POC1B: variants seen among roughly 807,000 people sequenced by gnomAD.
POC1B encodes the protein POC1 centriolar protein B.
POC1B carries 44 observed loss-of-function variants against 60.6 expected under a neutral mutation model. The ratio of observed to expected loss-of-function variants is 0.73; its 90% CI spans 0.57 to 0.93. The LOEUF (loss-of-function observed/expected upper bound fraction) is 0.93, where lower values mean the gene tolerates loss of function less well. POC1B is among the 40% of genes least tolerant of loss of function. The pLI is 0.00. For synonymous variants in POC1B, 180 were observed against 198.9 expected (o/e 0.90, Z 0.80); for missense variants, 555 against 572.3 (o/e 0.97, Z 0.31).
chr12:89,411,951 G>A, the POC1B span, among the ~76,000 whole-genome samples: 7 of 152,266 alleles, frequency 4.6e-5, no homozygotes, highest in South Asian at 4.1e-4. Context: ...TATAGACCTC[G>A]GGTTCTATCC....
intron 2 of POC1B, among the ~76,000 whole-genome samples, chr12:89,518,166 A>G (rs1472813844): frequency 6.6e-6 from 1 of 151,604 alleles, no homozygotes. Context: ...TCTGCTGTGG[A>G]CAACTATACA....
chr12:89,500,391 T>C (rs1011552267), intron 2 of POC1B: 2 of 1,506,570 alleles, frequency 1.3e-6, no homozygotes, highest in Non-Finnish European at 1.8e-6. Context: ...CTGCAGTTTG[T>C]TGTAGAACCA....
In POC1B at chr12:89,471,707, T is replaced by C. The variant is rs1882904502; in HGVS notation, c.583A>G (p.Asn195Asp). The change falls in exon 6 of 12, where the codon AAC (asparagine) becomes GAC (aspartate). Residue 195 changes from asparagine to aspartate, a missense_variant. Asn to Asp is a conservative substitution (Grantham distance 23). Transcript: ENST00000313546. ...SVGFANFVDF[N>D]PSGTCIASAG... The stretch of plus-strand genomic sequence containing the variant: ...GAAGCTATGCATGTACCACTAGGGT[T>C]AAAGTCCACAAAATTTGCAAATCTA... 8.2e-6 allele frequency: 13 copies of C among 1,593,398 alleles called. No individual in the cohort carries two copies. The highest frequency in any genetic ancestry group is 1.4e-5 in the African/African-American group (1 of 73,262).
intron 4 of POC1B, among the ~76,000 whole-genome samples, chr12:89,487,042 C>G (rs58117070): frequency 0.022 from 3,363 of 152,190 alleles, 101 homozygotes; most frequent in African/African-American, 0.072. Flanking sequence ...CAGCTCTGCT[C>G]TCTTCTGAAT....
chr12:89,438,253 C>T (rs1881360826), intron 10 of POC1B, among the ~76,000 whole-genome samples: 1 of 151,794 alleles, frequency 6.6e-6, no homozygotes, highest in East Asian at 2.0e-4. Context: ...GTCAGAAGAT[C>T]GAGACCATCC....
intron 8 of POC1B, 117 bp downstream of exon 8, chr12:89,467,500 T>G: frequency 1.2e-6 from 1 of 809,912 alleles, no homozygotes; most frequent in Non-Finnish European, 1.9e-6. Context: ...AATTAAAATA[T>G]AAACTCATTG....
At chr12:89,495,259 T>C (rs1351833438) in intron 3 of POC1B, among the ~76,000 whole-genome samples, 2 of 152,252 alleles carry the variant, frequency 1.3e-5, no homozygotes, top group Non-Finnish European at 2.9e-5. Context: ...ACTGAAGTTA[T>C]GCTGTGCAGA....
At chr12:89,504,394 T>C (rs1051688229) in intron 2 of POC1B, among the ~76,000 whole-genome samples, 9 of 152,176 alleles carry the variant, frequency 5.9e-5, no homozygotes, top group African/African-American at 2.2e-4. Context: ...GTTAAACAGA[T>C]GCTTGAAGGC....
In POC1B at chr12:89,519,132, C is replaced by T. The variant is rs528108909; in HGVS notation, c.100+5988G>A. Among the ~76,000 whole-genome samples, 13 of 152,246 alleles carry T rather than the reference C, an allele frequency of 8.5e-5. No individual in the cohort carries two copies. In the South Asian group the frequency reaches 2.5e-3, roughly 29 times the overall value. On this transcript the variant is annotated intron_variant, in intron 2 of 11. Transcript: ENST00000313546. ...AAATTGGTGCTAATATGTCCAGGTG[C>T]CCATTGCTTCCTTTTATAGTGGTCC...
intron 2 of POC1B, chr12:89,521,849 C>T (rs1013590808): frequency 7.5e-6 from 3 of 397,512 alleles, no homozygotes. Context: ...CAGCAGAACT[C>T]GTAGGAGAGT....
chr12:89,500,012 AT>A, intron 2 of POC1B: 1 of 952,120 alleles, frequency 1.1e-6, no homozygotes, highest in Admixed American at 2.1e-5. Context: ...CCGGCGATTC[AT>A]TTCTTGCTCG....
chr12:89,419,238 C>T (rs1880429360), downstream of POC1B, among the ~76,000 whole-genome samples: 1 of 151,874 alleles, frequency 6.6e-6, no homozygotes, highest in Non-Finnish European at 1.5e-5. Context: ...AGTGGAGACG[C>T]TGATCAGGCA....
the POC1B span, among the ~76,000 whole-genome samples, chr12:89,401,485 T>TC: frequency 1.3e-5 from 2 of 151,900 alleles, no homozygotes; most frequent in African/African-American, 4.8e-5. Flanking sequence ...TTCATTTTTT[T>TC]TTTTATTCCC....
At chr12:89,497,007 G>A in intron 3 of POC1B, 164 bp downstream of exon 3, 1 of 692,402 alleles carries the variant, frequency 1.4e-6, no homozygotes, top group Non-Finnish European at 2.4e-6. Flanking sequence ...TAATTTTGAG[G>A]AAAAAAATTG....
At chr12:89,456,842 G>A (rs892738945) in intron 10 of POC1B, among the ~76,000 whole-genome samples, 1 of 152,042 alleles carries the variant, frequency 6.6e-6, no homozygotes, top group East Asian at 1.9e-4. Flanking sequence ...AGTACACTTC[G>A]ATCTACAAAT....
chr12:89,450,191 T>C (rs1033923757), intron 10 of POC1B, among the ~76,000 whole-genome samples: 2 of 151,262 alleles, frequency 1.3e-5, no homozygotes, highest in Non-Finnish European at 2.9e-5. Context: ...TTGTAGCACA[T>C]GGCAAGAGGT....
the POC1B span, among the ~76,000 whole-genome samples, chr12:89,409,402 T>C: frequency 6.6e-6 from 1 of 152,226 alleles, no homozygotes; most frequent in Non-Finnish European, 1.5e-5. Flanking sequence ...TTACTTGTTT[T>C]TGTCAGGTTT....
At chr12:89,490,048 C>A (rs1868872871) in intron 4 of POC1B, among the ~76,000 whole-genome samples, 1 of 152,138 alleles carries the variant, frequency 6.6e-6, no homozygotes, top group Non-Finnish European at 1.5e-5. Context: ...CCGGCAGGGA[C>A]CTGGGTACCA....
chr12:89,421,715 G>A (rs1880542014), intron 11 of POC1B, among the ~76,000 whole-genome samples: 1 of 152,160 alleles, frequency 6.6e-6, no homozygotes, highest in Non-Finnish European at 1.5e-5. Flanking sequence ...CTATAGCACT[G>A]CAGATGGATG....
Sources: allele counts gnomAD v4.1 joint callset (sites outside exome capture counted in the v4.1 genomes callset), GRCh38; gene constraint gnomAD v4.1.1; transcripts MANE v1.5; gene names NCBI Gene and HGNC (gene_info 2026-07-23, HGNC 2026-07-21).